The following GAS7 variants were observed in gnomAD, a reference collection of about 807,000 sequenced individuals.
GAS7 encodes the protein growth arrest specific 7.
In GAS7, 28 loss-of-function variants were observed where a neutral mutation model predicts 71.1. That is an observed-to-expected ratio of 0.39 (90% CI 0.29 to 0.54). The LOEUF (loss-of-function observed/expected upper bound fraction) is 0.54. GAS7 is among the 20% of genes least tolerant of loss of function. The pLI is 0.62. For synonymous variants in GAS7, 258 were observed against 245.8 expected (o/e 1.05, Z -0.46); for missense variants, 436 against 627.8 (o/e 0.69, Z 3.27).
intron 1 of GAS7, among the ~76,000 whole-genome samples, chr17:10,130,571 A>G (rs1021672671): frequency 2.0e-5 from 3 of 152,246 alleles, no homozygotes; most frequent in African/African-American, 7.2e-5. Flanking sequence ...GATTCCTCCT[A>G]AAGAGCCAAA....
Position 9,981,047 on chromosome 17 carries a change from T to C in GAS7, c.385+757A>G, listed in dbSNP as rs1021701694. On this transcript the variant is annotated intron_variant, in intron 3 of 13. Coordinates refer to ENST00000432992, the MANE Select transcript of GAS7 (RefSeq NM_201433.2). The surrounding 1 kb of genome is among the most constrained non-coding windows in gnomAD (Gnocchi z 4.4). ...TGGCTCACACCTTTAATCCCAGCAC[T>C]TTGAGAGGCCAAAACAGGTGGATCA... Among the ~76,000 whole-genome samples, 3 of 152,154 alleles carry C rather than the reference T, an allele frequency of 2.0e-5. No homozygotes were observed. Among genetic ancestry groups the C allele is most frequent in the South Asian group, 2.1e-4 (1 of 4,832 alleles).
At chr17:10,023,752 T>C (rs1300251128) in intron 1 of GAS7, among the ~76,000 whole-genome samples, 4 of 152,208 alleles carry the variant, frequency 2.6e-5, no homozygotes, top group African/African-American at 4.8e-5. Flanking sequence ...ATCGTGGTAA[T>C]GGTTGCACAA....
intron 1 of GAS7, among the ~76,000 whole-genome samples, chr17:10,089,968 GA>G (rs1002065264): frequency 2.0e-5 from 3 of 152,124 alleles, no homozygotes; most frequent in Admixed American, 6.5e-5. Flanking sequence ...GGGAGTTCGA[GA>G]CCAGCCCGGC....
chr17:9,989,797 A>G (rs1231188663), intron 2 of GAS7, among the ~76,000 whole-genome samples: 9 of 152,228 alleles, frequency 5.9e-5, no homozygotes, highest in Admixed American at 5.9e-4. Flanking sequence ...ATTACCCCCA[A>G]TTTAACAGTT....
intron 1 of GAS7, among the ~76,000 whole-genome samples, chr17:10,031,582 G>C (rs1190062649): frequency 6.6e-6 from 1 of 152,182 alleles, no homozygotes; most frequent in Non-Finnish European, 1.5e-5. Flanking sequence ...CTTCCACGTG[G>C]GCCTTGCAGA....
intron 1 of GAS7, among the ~76,000 whole-genome samples, chr17:10,094,487 G>A (rs1018431289): frequency 2.0e-5 from 3 of 150,824 alleles, no homozygotes; most frequent in Non-Finnish European, 2.9e-5. Context: ...TCTTTTTTTT[G>A]AGACAGAGTC....
chr17:9,955,492 T>G (rs1051154949), intron 5 of GAS7, among the ~76,000 whole-genome samples: 2 of 152,116 alleles, frequency 1.3e-5, no homozygotes, highest in Admixed American at 6.5e-5. Context: ...GCAAGGCAGG[T>G]GCTATTATTA....
chr17:10,189,892 TCACACCACTGCACTTCAGCCTGGG>T lies in GAS7; in HGVS notation c.183+8292_183+8315del, dbSNP rs1412175196. The stretch of plus-strand genomic sequence containing the variant: ...AGGTAGAGGCTGCAGTGAGCCGAGA[TCACACCACTGCACTTCAGCCTGGG>T]CAACAGAGCAAGATTCCATCTCCCA... On this transcript the variant is annotated intron_variant, in intron 1 of 13. Coordinates refer to ENST00000432992, the MANE Select transcript of GAS7 (RefSeq NM_201433.2). 6.7e-5 allele frequency among the ~76,000 whole-genome samples: 10 copies of T among 148,458 alleles called. No individual in the cohort carries two copies. The South Asian group carries it at 2.1e-3, about 32-fold the overall frequency.
chr17:10,152,374 T>G (rs559318445), intron 1 of GAS7, among the ~76,000 whole-genome samples: 1 of 152,340 alleles, frequency 6.6e-6, no homozygotes, highest in African/African-American at 2.4e-5. Context: ...GTCTAAGGCA[T>G]GCAGGCGGAA....
intron 3 of GAS7, among the ~76,000 whole-genome samples, chr17:9,977,125 A>G (rs545612247): frequency 6.6e-6 from 1 of 152,360 alleles, no homozygotes; most frequent in Non-Finnish European, 1.5e-5. Flanking sequence ...GGGAGAACTG[A>G]GTACAGAAGG....
intron 9 of GAS7, among the ~76,000 whole-genome samples, chr17:9,930,393 G>A (rs914176701): frequency 6.6e-6 from 1 of 152,108 alleles, no homozygotes; most frequent in Non-Finnish European, 1.5e-5. Context: ...CTTGCTCAAG[G>A]TCACAGAGCT....
intron 1 of GAS7, among the ~76,000 whole-genome samples, chr17:10,159,135 C>T (rs532825066): frequency 9.8e-5 from 14 of 142,888 alleles, no homozygotes; most frequent in African/African-American, 2.6e-4. Context: ...GACCCCTACA[C>T]GTTCACCCAA....
chr17:10,115,403 G>A (rs775306800), intron 1 of GAS7, among the ~76,000 whole-genome samples: 1 of 152,200 alleles, frequency 6.6e-6, no homozygotes, highest in Non-Finnish European at 1.5e-5. Context: ...GAGGGTGGGG[G>A]GCAAAGTGTC....
At chr17:10,018,284 A>C (rs889699968) in intron 2 of GAS7, among the ~76,000 whole-genome samples, 1 of 152,220 alleles carries the variant, frequency 6.6e-6, no homozygotes, top group African/African-American at 2.4e-5. Flanking sequence ...AGATGCTGAA[A>C]TTCAGAAAGC....
chr17:10,111,368 T>C (rs915692088), intron 1 of GAS7, among the ~76,000 whole-genome samples: 19 of 151,522 alleles, frequency 1.3e-4, no homozygotes, highest in African/African-American at 4.4e-4. Flanking sequence ...CCCGTCTCTA[T>C]TAAAAATACA....
At chr17:9,998,528 T>C (rs931339679) in intron 2 of GAS7, among the ~76,000 whole-genome samples, 1 of 151,182 alleles carries the variant, frequency 6.6e-6, no homozygotes, top group African/African-American at 2.5e-5. Context: ...CCTAGAACTT[T>C]GGGAGGCCAA....
rs574548348 is a variant in GAS7 at position 9,911,816 on chromosome 17, ACCC to A, written c.*5409_*5411del. ...ATGTCTCTGGTTCGCATAGAGAGGT[ACCC>A]AACTGGTCTCGGGACTCACCTTTCA... is the stretch of plus-strand genomic sequence containing the variant. On this transcript the variant is annotated 3_prime_UTR_variant, in exon 14 of 14. Coordinates refer to ENST00000432992, the MANE Select transcript of GAS7 (RefSeq NM_201433.2). The surrounding 1 kb of genome is among the most constrained non-coding windows in gnomAD (Gnocchi z 4.0). 4.3e-6 allele frequency: 1 copy of A among 231,608 alleles called. No individual in the cohort carries two copies. The highest frequency in any genetic ancestry group is 8.5e-6 in the Non-Finnish European group (1 of 117,126). The allele number at this position is 231,608 out of a possible 1,614,324, so 14.3% of individuals were successfully genotyped here.
chr17:10,091,072 G>A (rs2073577168), intron 1 of GAS7, among the ~76,000 whole-genome samples: 1 of 152,022 alleles, frequency 6.6e-6, no homozygotes, highest in African/African-American at 2.4e-5. Context: ...ACAGCCCAGG[G>A]CTCCTGCTCC....
At chr17:9,982,022 C>T in intron 2 of GAS7, 138 bp from the exon 3 acceptor site, 1 of 617,406 alleles carries the variant, frequency 1.6e-6, no homozygotes, top group Non-Finnish European at 2.9e-6. Flanking sequence ...CCTGGCCAGA[C>T]AGGACCCTGC....
Sources: gnomAD v4.1 joint callset for allele counts (sites outside exome capture counted in the v4.1 genomes callset) on GRCh38, gnomAD v4.1.1 for gene constraint, Gnocchi (gnomAD v3.1) non-coding constraint, MANE v1.5 for transcripts, NCBI Gene and HGNC (gene_info 2026-07-23, HGNC 2026-07-21) for gene names.